The following ARHGEF17 variants were observed in gnomAD, a reference collection of about 807,000 sequenced individuals.
ARHGEF17 encodes Rho guanine nucleotide exchange factor 17.
ARHGEF17 carries 80 observed loss-of-function variants against 174.0 expected under a neutral mutation model. That is an observed-to-expected ratio of 0.46 (90% CI 0.38 to 0.55). The LOEUF (loss-of-function observed/expected upper bound fraction) is 0.55. Ranked by LOEUF, ARHGEF17 falls within the 20% of genes least tolerant of loss-of-function variation. The probability of loss-of-function intolerance (pLI) is 0.00; values close to 1 mark genes in which losing one functional copy is unlikely to be tolerated. For missense variants in ARHGEF17, 2,886 were observed against 2,839.7 expected (o/e 1.02, Z -0.37); for synonymous variants, 1,311 against 1,189.1 (o/e 1.10, Z -2.11).
intron 3 of ARHGEF17, among the ~76,000 whole-genome samples, chr11:73,353,500 T>C (rs1865589737): frequency 6.6e-6 from 1 of 152,252 alleles, no homozygotes; most frequent in African/African-American, 2.4e-5. Context: ...ACCTGTTTGC[T>C]AGGCATTGTT....
intron 13 of ARHGEF17, 81 bp downstream of exon 13, chr11:73,362,320 C>T (rs1027589394): frequency 1.1e-5 from 16 of 1,446,514 alleles, no homozygotes; most frequent in South Asian, 1.4e-5. Flanking sequence ...CAGGCCGCCC[C>T]GGCGTGGTTG....
chr11:73,356,620 G>A (rs1426212725), intron 6 of ARHGEF17, 89 bp from the exon 7 acceptor site: 81 of 1,540,854 alleles, frequency 5.3e-5, no homozygotes, highest in Non-Finnish European at 7.2e-5. Flanking sequence ...CCTAGCCCAT[G>A]GAGTGGGGCC....
chr11:73,319,313 C>A (rs751849825), intron 1 of ARHGEF17, among the ~76,000 whole-genome samples: 1 of 152,192 alleles, frequency 6.6e-6, no homozygotes, highest in Non-Finnish European at 1.5e-5. Context: ...CCGCCTGCCT[C>A]GACCTCCCAA....
intron 9 of ARHGEF17, among the ~76,000 whole-genome samples, chr11:73,358,711 A>G (rs1865687811): frequency 6.7e-6 from 1 of 150,054 alleles, no homozygotes; most frequent in Admixed American, 6.6e-5. Flanking sequence ...TGATCTGCCC[A>G]CCTCGGCCTC....
At position 73,308,683 on chromosome 11, in the gene ARHGEF17, G is replaced by C. The variant is rs932226031; in HGVS notation, c.45G>C (p.Ser15=). Residue 15 remains serine, a synonymous_variant, in exon 1 of 21, where the codon TCG becomes TCC. Transcript: ENST00000263674. ...APRPQLYRSV[S]FKLLERWSGG... ...GGCCCCAGCTTTACCGCAGCGTCTC[G>C]TTCAAGCTGCTGGAGCGCTGGAGCG... 2 of 1,520,726 alleles carry C rather than the reference G, an allele frequency of 1.3e-6. No individual in the cohort carries two copies. The highest frequency in any genetic ancestry group is 2.8e-5 in the East Asian group (1 of 35,760). 94.2% of individuals were successfully genotyped at this position (1,520,726 alleles called of 1,614,324 possible). A position where few individuals can be genotyped will look rare whatever the true frequency, so the allele number is the denominator to read the frequency against.
At position 73,310,034 on chromosome 11, in the gene ARHGEF17, G is replaced by T. The variant is rs1373332326; in HGVS notation, c.1396G>T (p.Asp466Tyr). The T allele has an allele frequency of 8.1e-6, 13 of 1,614,164 alleles. No homozygotes were observed. Among genetic ancestry groups the T allele is most frequent in the Non-Finnish European group, 1.1e-5 (13 of 1,180,024 alleles). The stretch of plus-strand genomic sequence containing the variant: ...ACAGCGGAAGTCCCTGTCAAATCCA[G>T]ATATCGCCTCAGAGACCCTGACGCT... ...SRQRKSLSNPDIASETLTLLS... is the reference protein window; with the variant it reads ...SRQRKSLSNPYIASETLTLLS... The change falls in exon 1 of 21, where the codon GAT becomes TAT. Residue 466 changes from aspartate to tyrosine, a missense_variant. Physicochemically the swap from Asp to Tyr is radical, Grantham distance 160 (BLOSUM62 -3). Transcript: ENST00000263674.
intron 1 of ARHGEF17, among the ~76,000 whole-genome samples, chr11:73,337,852 AG>A (rs1218461508): frequency 6.6e-6 from 1 of 152,216 alleles, no homozygotes; most frequent in Non-Finnish European, 1.5e-5. Flanking sequence ...AGACACACAG[AG>A]GAGTCCACAC....
chr11:73,335,921 A>G (rs1434203591), intron 1 of ARHGEF17, among the ~76,000 whole-genome samples: 1 of 152,234 alleles, frequency 6.6e-6, no homozygotes, highest in Admixed American at 6.5e-5. Context: ...TCAATAGATA[A>G]GTATTGTACA....
intron 1 of ARHGEF17, among the ~76,000 whole-genome samples, chr11:73,336,255 G>A (rs1865284739): frequency 6.6e-6 from 1 of 152,176 alleles, no homozygotes; most frequent in South Asian, 2.1e-4. Flanking sequence ...TCTGTAAAAT[G>A]GCCATAACAG....
chr11:73,357,160 T>C (rs1298177774), intron 8 of ARHGEF17, 26 bp downstream of exon 8: 1 of 1,613,032 alleles, frequency 6.2e-7, no homozygotes, highest in African/African-American at 1.3e-5. Flanking sequence ...GGGGTTTGGG[T>C]GGTGCCAACA....
intron 2 of ARHGEF17, among the ~76,000 whole-genome samples, chr11:73,349,432 T>C (rs1033318482): frequency 6.6e-6 from 1 of 152,062 alleles, no homozygotes; most frequent in Non-Finnish European, 1.5e-5. Flanking sequence ...CTAGCCAACG[T>C]GGTGAAACCT....
chr11:73,326,843 T>C (rs569628029), intron 1 of ARHGEF17, among the ~76,000 whole-genome samples: 2 of 152,372 alleles, frequency 1.3e-5, no homozygotes, highest in South Asian at 2.1e-4. Context: ...AGTAGGGTCA[T>C]GTCTGCCCCC....
intron 20 of ARHGEF17, among the ~76,000 whole-genome samples, chr11:73,366,347 A>G (rs542212903): frequency 4.6e-5 from 7 of 152,368 alleles, no homozygotes; most frequent in African/African-American, 1.7e-4. Context: ...GGAATCAGGA[A>G]GTGATGCACA....
In ARHGEF17 at chr11:73,308,318, G is replaced by T. The variant is rs1864723204; in HGVS notation, c.-321G>T. Reference sequence around the variant, plus strand: ...GAGCAGCCAAGGGCGTTGGGCAGGCGGACGCAGAGTCGAGGAACCAAGCGC... The same window carrying T: ...GAGCAGCCAAGGGCGTTGGGCAGGCTGACGCAGAGTCGAGGAACCAAGCGC... On this transcript the variant is annotated 5_prime_UTR_variant, in exon 1 of 21. Coordinates refer to ENST00000263674, the MANE Select transcript of ARHGEF17 (RefSeq NM_014786.4). The T allele has an allele frequency of 6.8e-6, 2 of 295,930 alleles. No individual in the cohort carries two copies. The highest frequency in any genetic ancestry group is 1.2e-5 in the Non-Finnish European group (2 of 160,752). The allele number at this position is 295,930 out of a possible 1,614,324, so 18.3% of individuals were successfully genotyped here. A position where few individuals can be genotyped will look rare whatever the true frequency, so the allele number is the denominator to read the frequency against.
chr11:73,313,213 G>A (rs571850329), intron 1 of ARHGEF17, among the ~76,000 whole-genome samples: 1 of 152,262 alleles, frequency 6.6e-6, no homozygotes, highest in Non-Finnish European at 1.5e-5. Flanking sequence ...GAGAGAGCAG[G>A]CAGGGAGTGG....
chr11:73,362,215 C>G lies in ARHGEF17; in HGVS notation c.4670C>G (p.Pro1557Arg). 6.5e-7 allele frequency: 1 copy of G among 1,548,800 alleles called. No individual in the cohort carries two copies. Among genetic ancestry groups the G allele is most frequent in the East Asian group, 2.4e-5 (1 of 41,132 alleles). Residue 1557 changes from proline (P) to arginine (R), a missense_variant, in exon 13 of 21, where the codon CCC (proline) becomes CGC (arginine). By Grantham distance (103) the Pro-to-Arg change is moderately radical. Around this residue, in one of 4 missense-constraint regions of ARHGEF17, gnomAD observed 476 missense variants for 473.1 expected, o/e 1.01. Coordinates refer to ENST00000263674, the MANE Select transcript of ARHGEF17 (RefSeq NM_014786.4). Reference sequence around the variant, plus strand: ...CGCATCCTCTGCATCGGGGCGGTGCCCGGGCTGCAGCCTCGCTGCCACCGG... The same window carrying G: ...CGCATCCTCTGCATCGGGGCGGTGCGCGGGCTGCAGCCTCGCTGCCACCGG... ...SARILCIGAV[P>R]GLQPRCHREP...
At chr11:73,316,915 A>G (rs554366264) in intron 1 of ARHGEF17, among the ~76,000 whole-genome samples, 9 of 152,314 alleles carry the variant, frequency 5.9e-5, no homozygotes, top group Non-Finnish European at 1.3e-4. Flanking sequence ...ACAAGAGATG[A>G]TGGTGGCTTG....
intron 1 of ARHGEF17, chr11:73,343,252 A>T: frequency 2.5e-6 from 1 of 398,668 alleles, no homozygotes; most frequent in Non-Finnish European, 4.4e-6. Flanking sequence ...AGCAGCACTG[A>T]CGCCGAGGAG....
rs1565193553 is a variant in ARHGEF17, at chr11:73,329,336, TA to T, written c.3192+17507del. ...TTGAGAGCTTTCATATATATATATATATATATATATATATATATATATATAT... is the reference window on the plus strand; with the variant it reads ...TTGAGAGCTTTCATATATATATATATTATATATATATATATATATATATAT... On this transcript the variant is annotated intron_variant, in intron 1 of 20. Transcript: ENST00000263674. Among the ~76,000 whole-genome samples, 17 of 1,826 alleles carry T rather than the reference TA, an allele frequency of 9.3e-3. 1 individual carries two copies. The highest frequency in any genetic ancestry group is 0.024 in the Admixed American group (4 of 168). 1.2% of individuals were successfully genotyped at this position (1,826 alleles called of 152,430 possible). A position where few individuals can be genotyped will look rare whatever the true frequency, so the allele number is the denominator to read the frequency against.
Sources: allele counts gnomAD v4.1 joint callset (sites outside exome capture counted in the v4.1 genomes callset), GRCh38; gene constraint gnomAD v4.1.1; regional missense constraint gnomAD v4.1.1; transcripts MANE v1.5; gene names NCBI Gene and HGNC (gene_info 2026-07-23, HGNC 2026-07-21).